AKR1C8: variants seen among roughly 807,000 people sequenced by gnomAD.
AKR1C8 encodes the protein aldo-keto reductase family 1 member C-like protein 1.
At chr10:5,122,394 A>G in the AKR1C8 span, among the ~76,000 whole-genome samples, 1 of 152,290 alleles carries the variant, frequency 6.6e-6, no homozygotes, top group African/African-American at 2.4e-5. Context: ...AAAGATGTGC[A>G]CTCATCAATC....
chr10:5,160,624 A>G, the AKR1C8 span, among the ~76,000 whole-genome samples: 1 of 152,176 alleles, frequency 6.6e-6, no homozygotes, highest in African/African-American at 2.4e-5. Flanking sequence ...AGAAGTTACA[A>G]TTAAAATGAA....
chr10:5,153,474 T>G, the AKR1C8 span, among the ~76,000 whole-genome samples: 1,391 of 152,292 alleles, frequency 9.1e-3, 10 homozygotes, highest in Middle Eastern at 0.031. Context: ...AAGTGAACAT[T>G]GGGTTAGTCC....
chr10:5,175,067 AT>A, the AKR1C8 span, among the ~76,000 whole-genome samples: 1 of 151,672 alleles, frequency 6.6e-6, no homozygotes, highest in Non-Finnish European at 1.5e-5. Flanking sequence ...TGCTGCACCC[AT>A]TAACTCGTCA....
chr10:5,175,434 A>G, the AKR1C8 span, among the ~76,000 whole-genome samples: 1 of 152,254 alleles, frequency 6.6e-6, no homozygotes, highest in African/African-American at 2.4e-5. Flanking sequence ...TGCAATAAAC[A>G]TATGTGTGCA....
the AKR1C8 span, among the ~76,000 whole-genome samples, chr10:5,125,561 G>A: frequency 6.6e-6 from 1 of 152,042 alleles, no homozygotes; most frequent in Admixed American, 6.6e-5. Flanking sequence ...AGCATCCCTG[G>A]GTAGAATAAC....
chr10:5,149,050 CA>C, the AKR1C8 span, among the ~76,000 whole-genome samples: 1 of 151,946 alleles, frequency 6.6e-6, no homozygotes, highest in African/African-American at 2.4e-5. Flanking sequence ...TCAGTAAGCA[CA>C]AATATATATA....
At chr10:5,131,838 C>T in the AKR1C8 span, among the ~76,000 whole-genome samples, 1 of 152,082 alleles carries the variant, frequency 6.6e-6, no homozygotes, top group Admixed American at 6.6e-5. Context: ...AGTCCCACTA[C>T]TGGCATCTAT....
chr10:5,146,274 C>G, the AKR1C8 span, among the ~76,000 whole-genome samples: 1 of 151,664 alleles, frequency 6.6e-6, no homozygotes, highest in Admixed American at 6.6e-5. Context: ...GGGTGCAGCA[C>G]CAGCATGGCA....
the AKR1C8 span, among the ~76,000 whole-genome samples, chr10:5,120,889 A>G: frequency 1.3e-5 from 2 of 152,288 alleles, no homozygotes; most frequent in Non-Finnish European, 2.9e-5. Context: ...GAAGTGGAAA[A>G]TATGATGCTA....
the AKR1C8 span, among the ~76,000 whole-genome samples, chr10:5,178,052 GTTCTT>G: frequency 1.8e-4 from 28 of 152,128 alleles, no homozygotes; most frequent in Non-Finnish European, 3.1e-4. Context: ...TGCTTTTCTA[GTTCTT>G]TTAATTGTGA....
At chr10:5,120,376 T>TG in the AKR1C8 span, among the ~76,000 whole-genome samples, 132,762 of 152,168 alleles carry the variant, frequency 0.87, 58,179 homozygotes, top group African/African-American at 0.96. Context: ...CTAGTGCCAC[T>TG]GGTTAGGGTC....
chr10:5,156,589 ATCT>A, the AKR1C8 span, among the ~76,000 whole-genome samples: 579 of 141,172 alleles, frequency 4.1e-3, 4 homozygotes, highest in African/African-American at 0.013. Context: ...GTATCCGTCC[ATCT>A]TCTTTCTATC....
chr10:5,135,556 A>G, the AKR1C8 span, among the ~76,000 whole-genome samples: 1 of 150,842 alleles, frequency 6.6e-6, no homozygotes, highest in Admixed American at 6.6e-5. Flanking sequence ...CTATCTATCT[A>G]TCATCTATCA....
the AKR1C8 span, among the ~76,000 whole-genome samples, chr10:5,175,944 G>A: frequency 1.3e-5 from 2 of 152,028 alleles, no homozygotes; most frequent in South Asian, 2.1e-4. Flanking sequence ...TCACTCTAAT[G>A]GTAGTTTCTT....
the AKR1C8 span, among the ~76,000 whole-genome samples, chr10:5,140,712 G>T: frequency 6.6e-6 from 1 of 151,764 alleles, no homozygotes; most frequent in Non-Finnish European, 1.5e-5. Flanking sequence ...CGAGTTAATG[G>T]GTGCTGCAAA....
the AKR1C8 span, among the ~76,000 whole-genome samples, chr10:5,128,402 T>C: frequency 5.9e-5 from 9 of 152,108 alleles, no homozygotes; most frequent in Admixed American, 5.2e-4. Context: ...TAGGTAACAA[T>C]TGAAATGATG....
the AKR1C8 span, among the ~76,000 whole-genome samples, chr10:5,130,139 T>C: frequency 6.6e-6 from 1 of 151,836 alleles, no homozygotes; most frequent in Admixed American, 6.6e-5. Flanking sequence ...AAATATGATA[T>C]ATAACACAAA....
At chr10:5,145,208 A>C in the AKR1C8 span, among the ~76,000 whole-genome samples, 1 of 152,122 alleles carries the variant, frequency 6.6e-6, no homozygotes, top group East Asian at 1.9e-4. Flanking sequence ...AGATGGATTA[A>C]AGACTTAAAC....
At chr10:5,144,922 T>C in the AKR1C8 span, among the ~76,000 whole-genome samples, 3 of 151,768 alleles carry the variant, frequency 2.0e-5, no homozygotes, top group Non-Finnish European at 4.4e-5. Context: ...ATAGGAGTGG[T>C]GAGAGAGGGC....
Sources: gnomAD v4.1 joint callset for allele counts (sites outside exome capture counted in the v4.1 genomes callset) on GRCh38, gnomAD v4.1.1 for gene constraint, MANE v1.5 for transcripts, NCBI Gene and HGNC (gene_info 2026-07-23, HGNC 2026-07-21) for gene names.